The following CALCR variants were observed in gnomAD, a reference collection of about 807,000 sequenced individuals.
CALCR encodes the protein calcitonin receptor.
Under a neutral mutation model 59.5 loss-of-function variants are expected in CALCR, and 47 were observed. The ratio of observed to expected loss-of-function variants is 0.79; its 90% CI spans 0.63 to 1.01. The LOEUF is 1.01. Ranked by LOEUF, CALCR falls within the 50% of genes least tolerant of loss-of-function variation. The probability of loss-of-function intolerance (pLI) is 0.00; values close to 1 mark genes in which losing one functional copy is unlikely to be tolerated. For missense variants in CALCR, 566 were observed against 597.1 expected (o/e 0.95, Z 0.54); for synonymous variants, 213 against 211.3 (o/e 1.01, Z -0.07).
chr7:93,553,603 G>T lies in CALCR; in HGVS notation c.-27+20686C>A, dbSNP rs182140251. On this transcript the variant is annotated intron_variant, in intron 2 of 13. Coordinates refer to ENST00000426151, the MANE Select transcript of CALCR (RefSeq NM_001742.4). ...CTGCTCATTATTAGCTGTATCACTT[G>T]GGCAAGTTACTGACGGTTTCTGTGC... is the stretch of plus-strand genomic sequence containing the variant. Among the ~76,000 whole-genome samples the T allele has an allele frequency of 7.8e-4, 118 of 152,040 alleles. 1 individual carries two copies. The highest frequency in any genetic ancestry group is 8.8e-5 in the Non-Finnish European group (6 of 67,972).
At chr7:93,555,196 C>T (rs1318539747) in intron 2 of CALCR, among the ~76,000 whole-genome samples, 2 of 152,066 alleles carry the variant, frequency 1.3e-5, no homozygotes, top group Non-Finnish European at 2.9e-5. Context: ...TGTGTCAGTA[C>T]TCTGCAGAGC....
intron 2 of CALCR, among the ~76,000 whole-genome samples, chr7:93,530,764 A>G (rs1788811878): frequency 6.6e-6 from 1 of 152,138 alleles, no homozygotes; most frequent in African/African-American, 2.4e-5. Flanking sequence ...CCTTATATAA[A>G]TTCTTTGCTT....
At chr7:93,469,848 G>T (rs1221509609) in intron 6 of CALCR, among the ~76,000 whole-genome samples, 1 of 151,208 alleles carries the variant, frequency 6.6e-6, no homozygotes, top group East Asian at 2.0e-4. Flanking sequence ...TACCTTCTAT[G>T]AAGTTCTTTG....
chr7:93,462,045 T>C, intron 7 of CALCR: 1 of 1,387,378 alleles, frequency 7.2e-7, no homozygotes, highest in Non-Finnish European at 9.8e-7. Flanking sequence ...AATACAAAAA[T>C]AGCCTGGGTT....
chr7:93,464,464 T>G (rs1800401503), intron 7 of CALCR, among the ~76,000 whole-genome samples: 1 of 151,948 alleles, frequency 6.6e-6, no homozygotes, highest in Non-Finnish European at 1.5e-5. Flanking sequence ...TTCATTTACC[T>G]AGGATCACGT....
chr7:93,539,247 C>T (rs1220965078), intron 2 of CALCR, among the ~76,000 whole-genome samples: 1 of 152,094 alleles, frequency 6.6e-6, no homozygotes, highest in African/African-American at 2.4e-5. Context: ...AATTTTGTAG[C>T]ATATGATGAT....
chr7:93,569,021 A>G (rs1789937173), intron 2 of CALCR, among the ~76,000 whole-genome samples: 1 of 151,816 alleles, frequency 6.6e-6, no homozygotes, highest in African/African-American at 2.4e-5. Flanking sequence ...CTTTCATCTC[A>G]CCTCTAATTT....
chr7:93,510,791 G>GTTC (rs1328813074), intron 2 of CALCR, among the ~76,000 whole-genome samples: 1 of 152,084 alleles, frequency 6.6e-6, no homozygotes, highest in Non-Finnish European at 1.5e-5. Flanking sequence ...GAGCCCAGGA[G>GTTC]TTCAAAGCTG....
At chr7:93,474,532 T>C (rs1426789385) in intron 5 of CALCR, among the ~76,000 whole-genome samples, 1 of 151,712 alleles carries the variant, frequency 6.6e-6, no homozygotes, top group African/African-American at 2.4e-5. Flanking sequence ...TTCTAACCTC[T>C]GAATTGGCCA....
At chr7:93,518,527 T>C (rs1344083708) in intron 2 of CALCR, among the ~76,000 whole-genome samples, 2 of 151,908 alleles carry the variant, frequency 1.3e-5, no homozygotes, top group Admixed American at 1.3e-4. Flanking sequence ...CATTGGTATT[T>C]ATATGAAGAA....
chr7:93,535,519 T>G (rs1788960977), intron 2 of CALCR, among the ~76,000 whole-genome samples: 1 of 151,710 alleles, frequency 6.6e-6, no homozygotes. Flanking sequence ...GAACTGAAAA[T>G]GGACACACAG....
At chr7:93,507,405 A>G (rs1478812382) in intron 2 of CALCR, among the ~76,000 whole-genome samples, 2 of 152,096 alleles carry the variant, frequency 1.3e-5, no homozygotes, top group Non-Finnish European at 2.9e-5. Flanking sequence ...CAGGGCAATG[A>G]GCAGTGAGGA....
At chr7:93,427,677 G>A (rs1450451157) in intron 13 of CALCR, among the ~76,000 whole-genome samples, 1 of 151,970 alleles carries the variant, frequency 6.6e-6, no homozygotes, top group Non-Finnish European at 1.5e-5. Flanking sequence ...TGAGAAAAAT[G>A]ACAGCAAAAC....
At chr7:93,486,354 T>C (rs1280496592) in intron 3 of CALCR, among the ~76,000 whole-genome samples, 1 of 151,614 alleles carries the variant, frequency 6.6e-6, no homozygotes, top group African/African-American at 2.4e-5. Context: ...TAAAACAATA[T>C]AGAATTACAC....
At chr7:93,496,556 A>G (rs1801207915) in intron 2 of CALCR, among the ~76,000 whole-genome samples, 1 of 151,502 alleles carries the variant, frequency 6.6e-6, no homozygotes, top group Admixed American at 6.6e-5. Context: ...TGAGGCCTTC[A>G]ACATTCTCTA....
At chr7:93,504,537 T>C (rs1233054895) in intron 2 of CALCR, among the ~76,000 whole-genome samples, 1 of 152,188 alleles carries the variant, frequency 6.6e-6, no homozygotes. Context: ...ATCTGCCATC[T>C]TGGGAAGACA....
At position 93,486,943 on chromosome 7, in the gene CALCR, A is replaced by C. The variant is rs1240464812; in HGVS notation, c.39T>G (p.Phe13Leu). 1.3e-6 allele frequency: 2 copies of C among 1,589,468 alleles called. No homozygotes were observed. The highest frequency in any genetic ancestry group is 1.7e-6 in the Non-Finnish European group (2 of 1,160,894). ...FTFTSRCLAL[F>L]LLLNHPTPIL... is the part of the protein sequence containing the mutation. ...TTGTTTTACTTACATTTAGAAGAAG[A>C]AACAGTGCCAAGCACCGGCTTGTAA... Residue 13 changes from phenylalanine (F) to leucine (L), a missense_variant, in exon 3 of 14, where the codon TTT becomes TTG. Phe to Leu is a conservative substitution (Grantham distance 22, BLOSUM62 0). Transcript: ENST00000426151.
chr7:93,560,103 C>T (rs1395132292), intron 2 of CALCR, among the ~76,000 whole-genome samples: 2 of 152,020 alleles, frequency 1.3e-5, no homozygotes, highest in East Asian at 1.9e-4. Flanking sequence ...AAACAAAGCC[C>T]TCTGAAAGAA....
In CALCR at chr7:93,539,959, G is replaced by A. The variant is rs117019463; in HGVS notation, c.-27+34330C>T. On this transcript the variant is annotated intron_variant, in intron 2 of 13. Transcript: ENST00000426151. ...TGAAGCAGAGGAGCATACAGCAGCA[G>A]AGATGAGAATAAGAAAGTACTTCCT... Among the ~76,000 whole-genome samples, 33 of 152,300 alleles carry A rather than the reference G, an allele frequency of 2.2e-4. No individual in the cohort carries two copies. In the East Asian group the frequency reaches 5.8e-3, roughly 27 times the overall value.
Sources: allele counts gnomAD v4.1 joint callset (sites outside exome capture counted in the v4.1 genomes callset), GRCh38; gene constraint gnomAD v4.1.1; transcripts MANE v1.5; gene names NCBI Gene and HGNC (gene_info 2026-07-23, HGNC 2026-07-21).